RRBP1: variants seen among roughly 807,000 people sequenced by gnomAD.
RRBP1 encodes the protein ribosome-binding protein 1.
Under a neutral mutation model 165.2 loss-of-function variants are expected in RRBP1, and 94 were observed. The ratio of observed to expected loss-of-function variants is 0.57; its 90% confidence interval spans 0.48 to 0.68. The LOEUF is 0.68. Ranked by LOEUF, RRBP1 falls within the 30% of genes least tolerant of loss-of-function variation. The pLI is 0.00. For missense variants in RRBP1, 1,676 were observed against 1,763.0 expected (o/e 0.95, Z 0.88); for synonymous variants, 680 against 714.5 (o/e 0.95, Z 0.77).
At chr20:17,623,985 C>G (rs556544061) in intron 13 of RRBP1, among the ~76,000 whole-genome samples, 1 of 152,036 alleles carries the variant, frequency 6.6e-6, no homozygotes, top group Non-Finnish European at 1.5e-5. Flanking sequence ...TTCAGAGGCC[C>G]AAGCAGCAGG....
intron 11 of RRBP1, among the ~76,000 whole-genome samples, chr20:17,626,191 T>C (rs2036015575): frequency 6.6e-6 from 1 of 152,208 alleles, no homozygotes; most frequent in Non-Finnish European, 1.5e-5. Context: ...GCCAGACACA[T>C]CTACATGATG....
In RRBP1 at chr20:17,659,320, C is replaced by A. The variant is rs1264964336; in HGVS notation, c.1188G>T (p.Gln396His). 1.3e-6 allele frequency: 2 copies of A among 1,533,900 alleles called. No homozygotes were observed. The highest frequency in any genetic ancestry group is 8.8e-7 in the Non-Finnish European group (1 of 1,140,348). The change falls in exon 3 of 25, where the codon CAG becomes CAT. Residue 396 changes from glutamine to histidine, a missense_variant. Physicochemically the swap from Gln to His is conservative, Grantham distance 24 (BLOSUM62 0). Transcript: ENST00000377813. ...QNQGKKVEGA[Q>H]NQGKKAEGAQ... is the part of the protein sequence containing the mutation. ...CACCCTCAGCCTTCTTGCCCTGGTT[C>A]TGGGCCCCTTCTACTTTTTTGCCCT... is the stretch of plus-strand genomic sequence containing the variant.
chr20:17,632,535 G>A (rs1222152021), intron 8 of RRBP1, among the ~76,000 whole-genome samples: 1 of 152,152 alleles, frequency 6.6e-6, no homozygotes, highest in African/African-American at 2.4e-5. Context: ...TTCTCTTTTA[G>A]TCCTTGCACA....
At chr20:17,628,767 C>T (rs1427331649) in intron 9 of RRBP1, among the ~76,000 whole-genome samples, 4 of 152,358 alleles carry the variant, frequency 2.6e-5, no homozygotes, top group Non-Finnish European at 4.4e-5. Flanking sequence ...TCCAGGACCA[C>T]GCAATCTAAA....
chr20:17,669,385 T>C (rs73599760), intron 2 of RRBP1, among the ~76,000 whole-genome samples: 1,719 of 152,314 alleles, frequency 0.011, 73 homozygotes, highest in East Asian at 0.073. Context: ...GCCTATGCGG[T>C]AGGAATCAAG....
chr20:17,614,901 G>A (rs770030744), intron 23 of RRBP1, 21 bp from the exon 24 acceptor site: 27 of 1,611,264 alleles, frequency 1.7e-5, no homozygotes, highest in South Asian at 8.8e-5. Flanking sequence ...GAAGGTTGAC[G>A]GGCATCAGCC....
At chr20:17,634,675 T>C in intron 7 of RRBP1, among the ~76,000 whole-genome samples, 1 of 152,220 alleles carries the variant, frequency 6.6e-6, no homozygotes, top group East Asian at 1.9e-4. Flanking sequence ...CCACAGCAGA[T>C]CCTATGTGGG....
chr20:17,633,311 C>G lies in RRBP1; in HGVS notation c.2610+149G>C, dbSNP rs1195907449. 2.8e-5 allele frequency: 24 copies of G among 855,720 alleles called. No individual in the cohort carries two copies. In the Admixed American group the frequency reaches 5.6e-4, roughly 20 times the overall value. The allele number at this position is 855,720 out of a possible 1,614,324, so 53.0% of individuals were successfully genotyped here. Reference sequence around the variant, plus strand: ...AGGAGACTAAGGTGAAGAGTTTGAGCCCCAGCCCTGCAGACACCATCATCT... The same window carrying G: ...AGGAGACTAAGGTGAAGAGTTTGAGGCCCAGCCCTGCAGACACCATCATCT... On this transcript the variant is annotated intron_variant, in intron 8 of 24. Transcript: ENST00000377813.
intron 20 of RRBP1, 125 bp downstream of exon 20, chr20:17,618,471 G>A (rs1437935056): frequency 3.1e-5 from 25 of 805,524 alleles, no homozygotes; most frequent in Non-Finnish European, 3.8e-5. Flanking sequence ...GCTGCTCAAC[G>A]GGTGACACTG....
At chr20:17,622,019 T>C in intron 13 of RRBP1, 72 bp from the exon 14 acceptor site, 2 of 1,137,286 alleles carry the variant, frequency 1.8e-6, no homozygotes, top group Non-Finnish European at 2.7e-6. Context: ...AGGTCTTTAC[T>C]GATATGCCCG....
At chr20:17,634,985 G>A (rs933892728) in intron 7 of RRBP1, among the ~76,000 whole-genome samples, 5 of 152,220 alleles carry the variant, frequency 3.3e-5, no homozygotes, top group Non-Finnish European at 2.9e-5. Flanking sequence ...CTTGGTGAGA[G>A]CAGAGGCTTT....
Position 17,613,943 on chromosome 20 carries a change from C to T in RRBP1, c.*239G>A, listed in dbSNP as rs923137278. ...CAACCAGGGCTTTGGCGTCACTCGGCGGTGGCCCGGGGCTGCGCCCAGGAT... is the reference window on the plus strand; with the variant it reads ...CAACCAGGGCTTTGGCGTCACTCGGTGGTGGCCCGGGGCTGCGCCCAGGAT... On this transcript the variant is annotated 3_prime_UTR_variant, in exon 25 of 25. Coordinates refer to ENST00000377813, the MANE Select transcript of RRBP1 (RefSeq NM_001365613.2). The T allele has an allele frequency of 7.9e-6, 4 of 507,952 alleles. No individual in the cohort carries two copies. The highest frequency in any genetic ancestry group is 3.3e-5 in the Admixed American group (1 of 29,924). 31.5% of individuals were successfully genotyped at this position (507,952 alleles called of 1,614,324 possible).
intron 22 of RRBP1, among the ~76,000 whole-genome samples, 197 bp downstream of exon 22, chr20:17,615,729 A>T (rs953865035): frequency 5.3e-5 from 8 of 152,160 alleles, no homozygotes; most frequent in African/African-American, 4.8e-5. Context: ...AGGGATGCAG[A>T]CCACCCACAG....
Position 17,629,883 on chromosome 20 carries a change from T to C in RRBP1, c.2689A>G (p.Ser897Gly), listed in dbSNP as rs2036114236. Residue 897 changes from serine (S) to glycine (G), a missense_variant, in exon 9 of 25, where the codon AGC (serine) becomes GGC (glycine). By Grantham distance (56) the Ser-to-Gly change is moderately conservative. Coordinates refer to ENST00000377813, the MANE Select transcript of RRBP1 (RefSeq NM_001365613.2). ...VSRELCHTQSSHASLRADAEK... is the reference protein window; with the variant it reads ...VSRELCHTQSGHASLRADAEK... Reference sequence around the variant, plus strand: ...GCATCCGCCCGGAGGCTGGCGTGGCTGCTCTGCGTGTGGCACAGCTCCCGG... The same window carrying C: ...GCATCCGCCCGGAGGCTGGCGTGGCCGCTCTGCGTGTGGCACAGCTCCCGG... 1.9e-6 allele frequency: 3 copies of C among 1,600,400 alleles called. No homozygotes were observed. The highest frequency in any genetic ancestry group is 2.2e-5 in the East Asian group (1 of 44,854).
intron 16 of RRBP1, 152 bp from the exon 17 acceptor site, chr20:17,620,959 A>G: frequency 1.6e-6 from 1 of 633,262 alleles, no homozygotes; most frequent in Non-Finnish European, 2.8e-6. Flanking sequence ...GAAGGCAACC[A>G]CTGTCCTGGG....
Position 17,641,892 on chromosome 20 carries a change from T to C in RRBP1, c.2089A>G (p.Ile697Val). Reference sequence around the variant, plus strand: ...TTCTCTTCCAGCTGGCGTTTCAGAATCGCCACAGGGTCACCCTTCTGAGTG... The same window carrying C: ...TTCTCTTCCAGCTGGCGTTTCAGAACCGCCACAGGGTCACCCTTCTGAGTG... Reference protein sequence around the residue: ...KATQKGDPVAILKRQLEEKEK... With the variant: ...KATQKGDPVAVLKRQLEEKEK... The change falls in exon 5 of 25, where the codon ATT (isoleucine) becomes GTT (valine). Residue 697 changes from isoleucine (I) to valine (V), a missense_variant. Ile to Val is a conservative substitution (Grantham distance 29, BLOSUM62 3). Coordinates refer to ENST00000377813, the MANE Select transcript of RRBP1 (RefSeq NM_001365613.2). 7 of 1,614,028 alleles carry C rather than the reference T, an allele frequency of 4.3e-6. No individual in the cohort carries two copies. The highest frequency in any genetic ancestry group is 5.9e-6 in the Non-Finnish European group (7 of 1,179,918).
At chr20:17,616,606 C>A in intron 21 of RRBP1, 126 bp downstream of exon 21, 1 of 645,636 alleles carries the variant, frequency 1.5e-6, no homozygotes, top group South Asian at 1.9e-5. Flanking sequence ...TGGGGCAAAG[C>A]AGGGTGGGGT....
intron 3 of RRBP1, among the ~76,000 whole-genome samples, chr20:17,647,371 G>T (rs1333150978): frequency 6.6e-6 from 1 of 152,246 alleles, no homozygotes; most frequent in African/African-American, 2.4e-5. Flanking sequence ...CACGGTGAGG[G>T]GCTTTGGGCC....
intron 5 of RRBP1, among the ~76,000 whole-genome samples, chr20:17,640,573 T>C (rs755526770): frequency 3.3e-5 from 5 of 151,848 alleles, no homozygotes; most frequent in Non-Finnish European, 7.4e-5. Context: ...GGGAGCAGAG[T>C]GTGGGTGGAA....
Sources: gnomAD v4.1 joint callset for allele counts (sites outside exome capture counted in the v4.1 genomes callset) on GRCh38, gnomAD v4.1.1 for gene constraint, MANE v1.5 for transcripts, NCBI Gene and HGNC (gene_info 2026-07-23, HGNC 2026-07-21) for gene names.